Variants in BRINP2 observed in about 807,000 individuals in gnomAD.
BRINP2 encodes BMP/retinoic acid-inducible neural-specific protein 2.
A neutral mutation model predicts 69.2 loss-of-function variants in BRINP2; 21 were observed. The ratio of observed to expected loss-of-function variants is 0.30; its 90% CI spans 0.22 to 0.44. The LOEUF is 0.44. Among genes scored for constraint, BRINP2 ranks in the 20% least tolerant of loss-of-function variants. BRINP2 has a pLI of 1.00. For synonymous variants in BRINP2, 380 were observed against 394.1 expected, an observed-to-expected ratio of 0.96 and a Z score of 0.42; for missense variants, 877 against 986.0, an observed-to-expected ratio of 0.89 and a Z score of 1.48.
At position 177,278,707 on chromosome 1, in the gene BRINP2, C is replaced by T; in HGVS notation, c.1157C>T (p.Thr386Ile). The T allele has an allele frequency of 1.2e-6, 2 of 1,614,198 alleles. No homozygotes were observed. Among genetic ancestry groups the T allele is most frequent in the Non-Finnish European group, 1.7e-6 (2 of 1,180,052 alleles). The change falls in exon 7 of 8, where the codon ACC becomes ATC. Residue 386 changes from threonine to isoleucine, a missense_variant. Thr to Ile is a moderately conservative substitution (Grantham distance 89). Transcript: ENST00000361539. ...GAGLKVLFKKTHRILRRLFNL... is the reference protein window; with the variant it reads ...GAGLKVLFKKIHRILRRLFNL... ...GGCTTGAAAGTGCTGTTCAAAAAGA[C>T]CCATCGGATCCTACGCCGGCTCTTC... is the stretch of plus-strand genomic sequence containing the variant.
chr1:177,275,612 G>T (rs1438760422), intron 5 of BRINP2, among the ~76,000 whole-genome samples: 1 of 152,154 alleles, frequency 6.6e-6, no homozygotes, highest in Non-Finnish European at 1.5e-5. Flanking sequence ...TATATAAAAA[G>T]TACTCAACAT....
chr1:177,266,011 T>C (rs1030632600), intron 4 of BRINP2, among the ~76,000 whole-genome samples: 1 of 151,790 alleles, frequency 6.6e-6, no homozygotes, highest in Non-Finnish European at 1.5e-5. Context: ...TCCCAGCTAC[T>C]TGGGAGGCTG....
intron 1 of BRINP2, among the ~76,000 whole-genome samples, chr1:177,190,634 G>C (rs1476417973): frequency 2.6e-5 from 4 of 152,214 alleles, no homozygotes; most frequent in African/African-American, 7.2e-5. Context: ...GGACCCTGCT[G>C]ATAGTTCTTC....
At chr1:177,240,537 G>A (rs1967666) in intron 2 of BRINP2, among the ~76,000 whole-genome samples, 53,980 of 152,020 alleles carry the variant, frequency 0.36, 10,182 homozygotes, top group South Asian at 0.54. Context: ...AAGAGGAGTC[G>A]AGAGGAAAAG....
In BRINP2 at chr1:177,262,389, G is replaced by A. The variant is rs560458625; in HGVS notation, c.669+5005G>A. On this transcript the variant is annotated intron_variant, in intron 4 of 7. Coordinates refer to ENST00000361539, the MANE Select transcript of BRINP2 (RefSeq NM_021165.4). ...TAGCTGGGCAAGGTGGTGCACCCCTGTAGTCCCAGCTACTTGGGAGGCTGA... is the reference window on the plus strand; with the variant it reads ...TAGCTGGGCAAGGTGGTGCACCCCTATAGTCCCAGCTACTTGGGAGGCTGA... Among the ~76,000 whole-genome samples, 148 of 152,108 alleles carry A rather than the reference G, an allele frequency of 9.7e-4. 1 individual carries two copies. Among genetic ancestry groups the A allele is most frequent in the Middle Eastern group, 3.4e-3 (1 of 294 alleles).
chr1:177,216,054 T>A (rs1245939112), intron 1 of BRINP2, among the ~76,000 whole-genome samples: 1 of 152,036 alleles, frequency 6.6e-6, no homozygotes, highest in African/African-American at 2.4e-5. Context: ...GGACCTTGGA[T>A]TTTTATCTAT....
chr1:177,171,240 G>GT lies in BRINP2; in HGVS notation c.-568dup. On this transcript the variant is annotated 5_prime_UTR_variant, in exon 1 of 8. The change abolishes the stop of an existing upstream ORF in the 5' untranslated region. Transcript: ENST00000361539. ...GCAGTGATTTCGGGTGAGAGAGCGG[G>GT]TGGGTGAGTCTCTTTAGAGTTGGAA... Among the ~76,000 whole-genome samples, 1 of 152,360 alleles carries GT rather than the reference G, an allele frequency of 6.6e-6. No individual in the cohort carries two copies. Among genetic ancestry groups the GT allele is most frequent in the East Asian group, 1.9e-4 (1 of 5,166 alleles).
intron 1 of BRINP2, 47 bp from the exon 2 acceptor site, chr1:177,229,754 T>G: frequency 1.5e-6 from 2 of 1,340,332 alleles, no homozygotes; most frequent in Non-Finnish European, 2.0e-6. Context: ...CACAGGCCCA[T>G]GGGGTAACAG....
At chr1:177,246,012 C>T (rs1022759178) in intron 2 of BRINP2, among the ~76,000 whole-genome samples, 1 of 152,196 alleles carries the variant, frequency 6.6e-6, no homozygotes, top group South Asian at 2.1e-4. Context: ...TTTGAGAACA[C>T]AGCAGGCTGC....
intron 7 of BRINP2, among the ~76,000 whole-genome samples, chr1:177,279,855 G>C (rs1413556270): frequency 6.6e-6 from 1 of 152,212 alleles, no homozygotes; most frequent in African/African-American, 2.4e-5. Context: ...TTACGTGATG[G>C]AGAATGAGTG....
intron 1 of BRINP2, among the ~76,000 whole-genome samples, chr1:177,187,250 C>T (rs774874662): frequency 1.4e-4 from 22 of 152,114 alleles, no homozygotes; most frequent in Non-Finnish European, 2.9e-4. Flanking sequence ...CTCACCCTGC[C>T]ACACCTAACA....
At chr1:177,177,026 A>G in intron 1 of BRINP2, among the ~76,000 whole-genome samples, 1 of 152,138 alleles carries the variant, frequency 6.6e-6, no homozygotes, top group East Asian at 1.9e-4. Context: ...CTACCACATT[A>G]TGATCATTCC....
chr1:177,263,344 A>G (rs76681598), intron 4 of BRINP2, among the ~76,000 whole-genome samples: 2,856 of 152,310 alleles, frequency 0.019, 92 homozygotes, highest in African/African-American at 0.066. Context: ...AACAAGAAAA[A>G]TAAACTGCAA....
chr1:177,224,976 A>G (rs985589524), intron 1 of BRINP2, among the ~76,000 whole-genome samples: 2 of 152,216 alleles, frequency 1.3e-5, no homozygotes, highest in Non-Finnish European at 2.9e-5. Context: ...AGAAATATCT[A>G]TCTCAATTGC....
chr1:177,199,840 G>T (rs916549371), intron 1 of BRINP2, among the ~76,000 whole-genome samples: 10 of 152,182 alleles, frequency 6.6e-5, no homozygotes, highest in African/African-American at 2.4e-4. Flanking sequence ...TGCATCTGCA[G>T]ATATTCATGG....
chr1:177,188,658 T>C (rs1277402858), intron 1 of BRINP2, among the ~76,000 whole-genome samples: 3 of 152,182 alleles, frequency 2.0e-5, no homozygotes, highest in African/African-American at 7.2e-5. Flanking sequence ...CTCTTTGATA[T>C]CTATTTAACT....
intron 1 of BRINP2, among the ~76,000 whole-genome samples, chr1:177,209,526 G>C (rs1345505388): frequency 2.6e-5 from 4 of 152,178 alleles, no homozygotes; most frequent in African/African-American, 4.8e-5. Context: ...AGTCAAGAAT[G>C]GTGGGGCTGG....
intron 2 of BRINP2, among the ~76,000 whole-genome samples, chr1:177,240,677 G>A (rs919164034): frequency 1.3e-5 from 2 of 152,186 alleles, no homozygotes; most frequent in Non-Finnish European, 2.9e-5. Context: ...TAGGATAGAT[G>A]TGTGCATGTT....
In BRINP2 at chr1:177,171,415, G is replaced by A; in HGVS notation, c.-394G>A. On this transcript the variant is annotated 5_prime_UTR_variant, in exon 1 of 8. Transcript: ENST00000361539. ...AGATGCTCTGGGAGACCGGGATCCTGGCTGCTCAGCGGGAAGGCAGCAGGC... is the reference window on the plus strand; with the variant it reads ...AGATGCTCTGGGAGACCGGGATCCTAGCTGCTCAGCGGGAAGGCAGCAGGC... 1 of 156,774 alleles carries A rather than the reference G, an allele frequency of 6.4e-6. No individual in the cohort carries two copies. The highest frequency in any genetic ancestry group is 1.4e-5 in the Non-Finnish European group (1 of 70,888). The allele number at this position is 156,774 out of a possible 1,614,324, so 9.7% of individuals were successfully genotyped here.
Sources: allele counts gnomAD v4.1 joint callset (sites outside exome capture counted in the v4.1 genomes callset), GRCh38; gene constraint gnomAD v4.1.1; transcripts MANE v1.5; gene names NCBI Gene and HGNC (gene_info 2026-07-23, HGNC 2026-07-21).